Variants in ATXN2 observed in about 807,000 individuals in gnomAD.
ATXN2 encodes ataxin 2.
ATXN2 carries 37 observed loss-of-function variants against 138.6 expected under a neutral mutation model. That is an observed-to-expected ratio of 0.27 (90% CI 0.21 to 0.35). The LOEUF is 0.35. ATXN2 is among the 10% of genes least tolerant of loss of function. The pLI, the probability that ATXN2 is intolerant of heterozygous loss-of-function variation, is 1.00. For synonymous variants in ATXN2, 549 were observed against 543.7 expected (o/e 1.01, Z -0.13); for missense variants, 1,216 against 1,480.3 (o/e 0.82, Z 2.93).
chr12:111,454,355 C>CCT (rs1874901006), intron 23 of ATXN2: 1 of 152,934 alleles, frequency 6.5e-6, no homozygotes, highest in Non-Finnish European at 1.5e-5. Flanking sequence ...TGTTCATTTG[C>CCT]CTCTCTCCCT....
chr12:111,486,884 C>T, intron 15 of ATXN2, 60 bp from the exon 16 acceptor site: 13 of 1,382,938 alleles, frequency 9.4e-6, no homozygotes, highest in South Asian at 4.9e-5. Flanking sequence ...CTAAAATCTT[C>T]CATACCTGAC....
intron 20 of ATXN2, among the ~76,000 whole-genome samples, chr12:111,466,040 C>T (rs557931761): frequency 1.1e-3 from 167 of 151,798 alleles, no homozygotes; most frequent in African/African-American, 3.9e-3. Flanking sequence ...GTGGCGGGCA[C>T]CTGTAGTCCC....
At chr12:111,571,661 G>T (rs1366652342) in intron 1 of ATXN2, among the ~76,000 whole-genome samples, 1 of 152,020 alleles carries the variant, frequency 6.6e-6, no homozygotes, top group African/African-American at 2.4e-5. Context: ...TTCTATTAGG[G>T]GTCAGCAAAT....
intron 1 of ATXN2, among the ~76,000 whole-genome samples, chr12:111,590,680 T>A (rs953621279): frequency 7.6e-5 from 10 of 131,040 alleles, no homozygotes; most frequent in East Asian, 2.0e-4. Context: ...CGAGACTCCA[T>A]CTAATTAAAA....
At chr12:111,485,206 A>T in intron 18 of ATXN2, 59 bp downstream of exon 18, 1 of 1,467,022 alleles carries the variant, frequency 6.8e-7, no homozygotes. Flanking sequence ...TTATAAACTT[A>T]GTTACTCAAT....
intron 18 of ATXN2, among the ~76,000 whole-genome samples, chr12:111,477,180 TA>T (rs57940846): frequency 0.1 from 12,433 of 121,634 alleles, 1,835 homozygotes; most frequent in African/African-American, 0.34. Context: ...CTGTCTCTAC[TA>T]AAAAAAAAAA....
At chr12:111,595,388 T>A (rs569534859) in intron 1 of ATXN2, among the ~76,000 whole-genome samples, 14 of 152,158 alleles carry the variant, frequency 9.2e-5, no homozygotes, top group Non-Finnish European at 1.6e-4. Flanking sequence ...ACGCCTGCAA[T>A]CCCAGCACTT....
intron 1 of ATXN2, among the ~76,000 whole-genome samples, chr12:111,563,794 T>A (rs958336997): frequency 5.9e-5 from 9 of 152,232 alleles, no homozygotes; most frequent in Non-Finnish European, 1.3e-4. Context: ...AGGCATTTTT[T>A]AAATAATAAT....
At chr12:111,579,624 T>C (rs1169998173) in intron 1 of ATXN2, among the ~76,000 whole-genome samples, 1 of 151,824 alleles carries the variant, frequency 6.6e-6, no homozygotes, top group Non-Finnish European at 1.5e-5. Context: ...ATGAACAAAC[T>C]GGTACATGCA....
chr12:111,498,162 G>C (rs887082109), intron 14 of ATXN2, among the ~76,000 whole-genome samples: 1 of 152,158 alleles, frequency 6.6e-6, no homozygotes, highest in East Asian at 1.9e-4. Context: ...TCTGGAACAA[G>C]ACAAGGATGC....
intron 21 of ATXN2, among the ~76,000 whole-genome samples, chr12:111,459,526 C>T (rs1030161145): frequency 2.6e-5 from 4 of 152,102 alleles, no homozygotes; most frequent in East Asian, 3.9e-4. Context: ...CTGCAACCTC[C>T]GCCTCCCGGG....
chr12:111,480,222 G>A (rs1386817305), intron 18 of ATXN2, among the ~76,000 whole-genome samples: 2 of 152,160 alleles, frequency 1.3e-5, no homozygotes, highest in African/African-American at 2.4e-5. Context: ...TCATTAAAAT[G>A]TAAACATAAA....
intron 13 of ATXN2, 78 bp from the exon 14 acceptor site, chr12:111,509,697 G>A: frequency 2.0e-6 from 2 of 980,136 alleles, no homozygotes; most frequent in Non-Finnish European, 3.1e-6. Flanking sequence ...TGAGATGATA[G>A]AAATTAGAAT....
At chr12:111,582,002 C>T (rs970116184) in intron 1 of ATXN2, among the ~76,000 whole-genome samples, 3 of 150,610 alleles carry the variant, frequency 2.0e-5, no homozygotes, top group Non-Finnish European at 4.4e-5. Flanking sequence ...TTTGACTCTA[C>T]ATTGTTGAAC....
chr12:111,461,623 A>G (rs1875587010), intron 21 of ATXN2, among the ~76,000 whole-genome samples: 3 of 152,082 alleles, frequency 2.0e-5, no homozygotes, highest in Admixed American at 1.3e-4. Flanking sequence ...GGGTAGGAAG[A>G]AAATTTAAAA....
chr12:111,487,755 C>T (rs1877738896), intron 15 of ATXN2, among the ~76,000 whole-genome samples: 1 of 151,962 alleles, frequency 6.6e-6, no homozygotes, highest in Non-Finnish European at 1.5e-5. Context: ...TACCAGTCAA[C>T]ATACCAATAT....
Position 111,520,899 on chromosome 12 carries a change from G to A in ATXN2, c.771C>T (p.Ser257=). 1 of 1,580,648 alleles carries A rather than the reference G, an allele frequency of 6.3e-7. No homozygotes were observed. Among genetic ancestry groups the A allele is most frequent in the South Asian group, 1.2e-5 (1 of 85,742 alleles). The stretch of plus-strand genomic sequence containing the variant: ...AAACTTACGTATACGAAGATAAACT[G>A]CTATCATACGTAGACACTACACCAT... ...ENYGVVSTYD[S]SLSSYTVPLE... Residue 257 remains serine, a synonymous_variant, in exon 7 of 25, where the codon AGC becomes AGT. Transcript: ENST00000673436.
chr12:111,572,683 TA>T (rs139378800), intron 1 of ATXN2, among the ~76,000 whole-genome samples: 1 of 152,212 alleles, frequency 6.6e-6, no homozygotes, highest in African/African-American at 2.4e-5. Context: ...AGAATTTGCC[TA>T]AAGTCACAGA....
intron 5 of ATXN2, among the ~76,000 whole-genome samples, chr12:111,529,924 C>G (rs771440679): frequency 6.6e-6 from 1 of 152,144 alleles, no homozygotes; most frequent in Admixed American, 6.5e-5. Context: ...TTTAACATCA[C>G]AAACCCTCAA....
Sources: gnomAD v4.1 joint callset for allele counts (sites outside exome capture counted in the v4.1 genomes callset) on GRCh38, gnomAD v4.1.1 for gene constraint, MANE v1.5 for transcripts, NCBI Gene and HGNC (gene_info 2026-07-23, HGNC 2026-07-21) for gene names.